DOCK1: variants seen among roughly 807,000 people sequenced by gnomAD.
DOCK1 encodes dedicator of cytokinesis protein 1.
A neutral mutation model predicts 262.7 loss-of-function variants in DOCK1; 138 were observed. The ratio of observed to expected loss-of-function variants is 0.53; its 90% CI spans 0.46 to 0.61. The LOEUF (loss-of-function observed/expected upper bound fraction) is 0.61. DOCK1 is among the 20% of genes least tolerant of loss of function. The probability of loss-of-function intolerance (pLI) is 0.00; values close to 1 mark genes in which losing one functional copy is unlikely to be tolerated. For missense variants in DOCK1, 1,908 were observed against 2,370.7 expected (o/e 0.80, Z 4.05); for synonymous variants, 866 against 867.4 (o/e 1.00, Z 0.03).
In DOCK1 at chr10:127,088,751, G is replaced by A. The variant is rs191903823; in HGVS notation, c.2446-17480G>A. Among the ~76,000 whole-genome samples, 184 of 152,182 alleles carry A rather than the reference G, an allele frequency of 1.2e-3. 1 individual carries two copies. The highest frequency in any genetic ancestry group is 4.2e-3 in the African/African-American group (175 of 41,486). On this transcript the variant is annotated intron_variant, in intron 23 of 51. Coordinates refer to ENST00000623213, the MANE Select transcript of DOCK1 (RefSeq NM_001290223.2). ...ATTGCACTTCAGAGTCACCCAGCCTGAAAGGGACTTAGAATCCCATGGTTG... is the reference window on the plus strand; with the variant it reads ...ATTGCACTTCAGAGTCACCCAGCCTAAAAGGGACTTAGAATCCCATGGTTG...
At chr10:126,984,954 C>T (rs2039260696) in intron 4 of DOCK1, among the ~76,000 whole-genome samples, 1 of 151,394 alleles carries the variant, frequency 6.6e-6, no homozygotes, top group Non-Finnish European at 1.5e-5. Context: ...CATCATCTCC[C>T]CACTCCCCTA....
At chr10:127,296,221 CGTT>C (rs2061500047) in intron 29 of DOCK1, among the ~76,000 whole-genome samples, 1 of 152,210 alleles carries the variant, frequency 6.6e-6, no homozygotes, top group South Asian at 2.1e-4. Flanking sequence ...CAGGTCAGCC[CGTT>C]GTTTTTCACA....
rs966913163 is a variant in DOCK1, at chr10:127,447,512, G to A, written c.5532G>A (p.Ser1844=). ...TGGAAAACCAGGACTTGCTGGGCTCGCCAACACCTCCACCTCCCCCTCCAC... is the reference window on the plus strand; with the variant it reads ...TGGAAAACCAGGACTTGCTGGGCTCACCAACACCTCCACCTCCCCCTCCAC... ...NLMENQDLLG[S]PTPPPPPPHQ... is the part of the protein sequence containing the mutation. The change falls in exon 51 of 52, where the codon TCG becomes TCA. Residue 1844 remains serine, a synonymous_variant. Transcript: ENST00000623213. 13 of 1,613,664 alleles carry A rather than the reference G, an allele frequency of 8.1e-6. No individual in the cohort carries two copies. Among genetic ancestry groups the A allele is most frequent in the Non-Finnish European group, 9.3e-6 (11 of 1,179,808 alleles).
intron 27 of DOCK1, among the ~76,000 whole-genome samples, chr10:127,182,524 T>C (rs1166255005): frequency 6.6e-6 from 1 of 152,210 alleles, no homozygotes; most frequent in Non-Finnish European, 1.5e-5. Flanking sequence ...TTTCAGCTTA[T>C]GTTGATGTTA....
chr10:126,949,279 C>T (rs973321888), intron 1 of DOCK1, among the ~76,000 whole-genome samples: 10 of 152,186 alleles, frequency 6.6e-5, no homozygotes, highest in East Asian at 3.9e-4. Flanking sequence ...AATGGGGAGC[C>T]GCAGGACAGC....
At chr10:127,064,284 A>T (rs2045720032) in intron 23 of DOCK1, among the ~76,000 whole-genome samples, 1 of 151,952 alleles carries the variant, frequency 6.6e-6, no homozygotes, top group Non-Finnish European at 1.5e-5. Context: ...ATTTTTTTGA[A>T]TTTTTAGCAG....
chr10:127,254,334 T>C (rs986181612), intron 28 of DOCK1, among the ~76,000 whole-genome samples: 1 of 152,250 alleles, frequency 6.6e-6, no homozygotes, highest in Admixed American at 6.5e-5. Flanking sequence ...ACTTTTTTTG[T>C]GCTGCCTTGT....
At chr10:127,213,508 A>G (rs575294183) in intron 27 of DOCK1, among the ~76,000 whole-genome samples, 10 of 152,220 alleles carry the variant, frequency 6.6e-5, no homozygotes, top group Non-Finnish European at 1.5e-4. Context: ...AGTTCTCTTT[A>G]AAGAGATTGA....
intron 1 of DOCK1, among the ~76,000 whole-genome samples, chr10:126,926,056 A>G (rs1029583362): frequency 6.6e-5 from 10 of 151,974 alleles, no homozygotes; most frequent in African/African-American, 2.4e-4. Flanking sequence ...GCACATCTGT[A>G]GGGTGGGGAT....
chr10:126,968,252 ATACCC>A (rs138855901), intron 1 of DOCK1, among the ~76,000 whole-genome samples: 53 of 151,850 alleles, frequency 3.5e-4, no homozygotes, highest in African/African-American at 1.2e-3. Flanking sequence ...CCCTTGTCAA[ATACCC>A]TTGCAAGGCT....
chr10:127,038,909 T>A (rs940392928), intron 19 of DOCK1, among the ~76,000 whole-genome samples: 8 of 152,220 alleles, frequency 5.3e-5, no homozygotes, highest in Non-Finnish European at 1.2e-4. Flanking sequence ...TAGTCGATTC[T>A]GTTTTTGGCT....
Position 126,998,226 on chromosome 10 carries a change from C to T in DOCK1, c.744C>T (p.Asp248=), listed in dbSNP as rs2040346278. 1 of 1,613,658 alleles carries T rather than the reference C, an allele frequency of 6.2e-7. No individual in the cohort carries two copies. ...CTGAAGTCCTCATGTCTCTATATGA[C>T]CCTGTGGAGTCCAAATTCATCAGGT... ...EDAEVLMSLY[D]PVESKFISEN... is the part of the protein sequence containing the mutation. Residue 248 remains aspartate, a synonymous_variant, in exon 8 of 52, where the codon GAC becomes GAT. Coordinates refer to ENST00000623213, the MANE Select transcript of DOCK1 (RefSeq NM_001290223.2).
At chr10:127,229,318 G>A (rs1246107170) in intron 27 of DOCK1, among the ~76,000 whole-genome samples, 1 of 152,144 alleles carries the variant, frequency 6.6e-6, no homozygotes, top group Admixed American at 6.5e-5. Flanking sequence ...TGAAGTCACC[G>A]TGATGTAGAC....
intron 23 of DOCK1, among the ~76,000 whole-genome samples, chr10:127,067,804 T>C (rs1024768747): frequency 6.6e-6 from 1 of 152,240 alleles, no homozygotes; most frequent in South Asian, 2.1e-4. Context: ...ATTATGAAAA[T>C]ATTGTCAGCT....
intron 43 of DOCK1, among the ~76,000 whole-genome samples, chr10:127,414,078 A>G (rs1024054448): frequency 6.6e-6 from 1 of 152,068 alleles, no homozygotes; most frequent in African/African-American, 2.4e-5. Flanking sequence ...CATCTGGCTA[A>G]TTTTTGTATT....
intron 10 of DOCK1, among the ~76,000 whole-genome samples, chr10:127,003,962 C>A (rs896600386): frequency 6.6e-6 from 1 of 151,244 alleles, no homozygotes; most frequent in Non-Finnish European, 1.5e-5. Flanking sequence ...TCCCCTCCCC[C>A]CCAAAAAAAA....
At chr10:126,915,017 A>G (rs2134045050) in intron 1 of DOCK1, among the ~76,000 whole-genome samples, 1 of 152,024 alleles carries the variant, frequency 6.6e-6, no homozygotes, top group South Asian at 2.1e-4. Context: ...TTCTGCTCAC[A>G]TTTTCTCACC....
chr10:127,020,451 C>G (rs1418263945), intron 13 of DOCK1, among the ~76,000 whole-genome samples: 1 of 151,570 alleles, frequency 6.6e-6, no homozygotes. Flanking sequence ...CTGCTAGTAG[C>G]AGGTACTAGG....
At chr10:127,002,009 C>T (rs191461325) in intron 10 of DOCK1, among the ~76,000 whole-genome samples, 376 of 152,298 alleles carry the variant, frequency 2.5e-3, no homozygotes, top group African/African-American at 8.4e-3. Context: ...AGGCACATGC[C>T]GTGCTAACAT....
Sources: gnomAD v4.1 joint callset for allele counts (sites outside exome capture counted in the v4.1 genomes callset) on GRCh38, gnomAD v4.1.1 for gene constraint, MANE v1.5 for transcripts, NCBI Gene and HGNC (gene_info 2026-07-23, HGNC 2026-07-21) for gene names.